ERG28: variants seen among roughly 807,000 people sequenced by gnomAD.
ERG28 encodes ergosterol biosynthetic protein 28 homolog.
A neutral mutation model predicts 15.7 loss-of-function variants in ERG28; 9 were observed. That is an observed-to-expected ratio of 0.57 (90% CI 0.35 to 1.00). ERG28 has a LOEUF of 1.00. Ranked by LOEUF, ERG28 falls within the 50% of genes least tolerant of loss-of-function variation. The probability of loss-of-function intolerance (pLI) is 0.02; values close to 1 mark genes in which losing one functional copy is unlikely to be tolerated. For missense variants in ERG28, 117 were observed against 173.3 expected (o/e 0.68, Z 1.82); for synonymous variants, 61 against 68.4 (o/e 0.89, Z 0.53).
At chr14:75,655,609 A>G (rs1431057073) in intron 2 of ERG28, among the ~76,000 whole-genome samples, 1 of 152,226 alleles carries the variant, frequency 6.6e-6, no homozygotes, top group East Asian at 1.9e-4. Flanking sequence ...GCTGTATTAA[A>G]TATCTTGTCC....
intron 1 of ERG28, among the ~76,000 whole-genome samples, chr14:75,659,036 C>T (rs1452390423): frequency 6.6e-6 from 1 of 152,120 alleles, no homozygotes; most frequent in Non-Finnish European, 1.5e-5. Context: ...GCACTTACAC[C>T]GTGAACTGTG....
At chr14:75,654,284 T>G (rs1223137320) in intron 3 of ERG28, among the ~76,000 whole-genome samples, 1 of 152,158 alleles carries the variant, frequency 6.6e-6, no homozygotes, top group South Asian at 2.1e-4. Context: ...ACCTAGAGTG[T>G]GATGATGACT....
Position 75,657,552 on chromosome 14 carries a change from G to A in ERG28, c.-31-19C>T. On this transcript the variant is annotated intron_variant, in intron 1 of 4. Transcript: ENST00000256319. ...TTTTTGCCTTGGAAACAAAGGCAGA[G>A]GACATGAGACAATGAGGGCCAGTCT... The A allele has an allele frequency of 6.2e-7, 1 of 1,607,940 alleles. No individual in the cohort carries two copies. The highest frequency in any genetic ancestry group is 8.5e-7 in the Non-Finnish European group (1 of 1,175,888).
At chr14:75,660,084 C>T (rs145110696) in intron 1 of ERG28, among the ~76,000 whole-genome samples, 1,981 of 152,304 alleles carry the variant, frequency 0.013, 17 homozygotes, top group South Asian at 0.035. Context: ...GAGGAGACTC[C>T]TCCGGGGTTT....
chr14:75,651,140 G>T lies in ERG28; in HGVS notation c.*415C>A, dbSNP rs1316361007. 1 of 164,122 alleles carries T rather than the reference G, an allele frequency of 6.1e-6. No homozygotes were observed. Among genetic ancestry groups the T allele is most frequent in the Non-Finnish European group, 1.3e-5 (1 of 74,102 alleles). 10.2% of individuals were successfully genotyped at this position (164,122 alleles called of 1,614,324 possible). A position where few individuals can be genotyped will look rare whatever the true frequency, so the allele number is the denominator to read the frequency against. On this transcript the variant is annotated 3_prime_UTR_variant, in exon 5 of 5. Coordinates refer to ENST00000256319, the MANE Select transcript of ERG28 (RefSeq NM_007176.4). ...TGGACAACCCCTTGAGGCAGCCCTTGGTCACAGCTGCTCTGGGTGGGCAGC... is the reference window on the plus strand; with the variant it reads ...TGGACAACCCCTTGAGGCAGCCCTTTGTCACAGCTGCTCTGGGTGGGCAGC...
chr14:75,657,263 G>T (rs921079427), intron 2 of ERG28, 107 bp downstream of exon 2: 4 of 1,368,902 alleles, frequency 2.9e-6, no homozygotes, highest in South Asian at 2.9e-5. Context: ...ACCTGTGTTT[G>T]TTGACGTTTC....
At chr14:75,652,194 G>T (rs994665291) in intron 3 of ERG28, among the ~76,000 whole-genome samples, 2 of 152,194 alleles carry the variant, frequency 1.3e-5, no homozygotes, top group Non-Finnish European at 2.9e-5. Context: ...GACAATCGCA[G>T]GCAGTGTAGA....
In ERG28 at chr14:75,657,284, C is replaced by A. The variant is rs573702918; in HGVS notation, c.133+86G>T. ...GTTTGTTGACGTTTCCTAGGTTACT[C>A]TGATGTACAGCCTGGTTTGGGAACC... On this transcript the variant is annotated intron_variant, in intron 2 of 4. Coordinates refer to ENST00000256319, the MANE Select transcript of ERG28 (RefSeq NM_007176.4). 1.7e-5 allele frequency: 26 copies of A among 1,490,006 alleles called. No homozygotes were observed. The African/African-American group carries it at 3.6e-4, about 21-fold the overall frequency. The allele number at this position is 1,490,006 out of a possible 1,614,324, so 92.3% of individuals were successfully genotyped here.
chr14:75,656,337 C>T (rs1241202116), intron 2 of ERG28, among the ~76,000 whole-genome samples: 4 of 149,516 alleles, frequency 2.7e-5, no homozygotes, highest in Non-Finnish European at 5.9e-5. Flanking sequence ...AAGTTCTGCT[C>T]AGCTATATGC....
Position 75,651,485 on chromosome 14 carries a change from G to T in ERG28, c.*70C>A, listed in dbSNP as rs1566801558. On this transcript the variant is annotated 3_prime_UTR_variant, in exon 5 of 5. Transcript: ENST00000256319. ...GATGGAATAGAAAAGAAATTAAAGA[G>T]GAGAGACGACGAAGGAAGAAGATGG... 4.2e-6 allele frequency: 6 copies of T among 1,416,910 alleles called. No homozygotes were observed. In the East Asian group the frequency reaches 1.4e-4, roughly 33 times the overall value. 87.8% of individuals were successfully genotyped at this position (1,416,910 alleles called of 1,614,324 possible).
In ERG28 at chr14:75,651,888, G is replaced by A; in HGVS notation, c.226C>T (p.Leu76Phe). ...AAGGTCCAGAGTGTGATGTGATAGA[G>A]CCTATAAGGAAGCAGACAGAAATGG... ...LCAIDIHNKT[L>F]YHITLWTFLL... Residue 76 changes from leucine (L) to phenylalanine (F), a missense_variant and splice_region_variant, in exon 4 of 5, where the codon CTC (leucine) becomes TTC (phenylalanine). Leu to Phe is a conservative substitution (Grantham distance 22). Coordinates refer to ENST00000256319, the MANE Select transcript of ERG28 (RefSeq NM_007176.4). 6.2e-7 allele frequency: 1 copy of A among 1,602,192 alleles called. No homozygotes were observed. The highest frequency in any genetic ancestry group is 8.6e-7 in the Non-Finnish European group (1 of 1,169,102).
chr14:75,652,494 G>A (rs569482269), intron 3 of ERG28, among the ~76,000 whole-genome samples: 4 of 152,312 alleles, frequency 2.6e-5, no homozygotes, highest in Non-Finnish European at 4.4e-5. Flanking sequence ...TGACTATAAG[G>A]TAGAGAAGAG....
rs946440030 is a variant in ERG28 at position 75,651,549 on chromosome 14, C to T, written c.*6G>A. Reference sequence around the variant, plus strand: ...CGAGAAAGTCCTGGAGGTGATAATGCTGGCCTCAGTTTCTCTTCTTCTGTC... The same window carrying T: ...CGAGAAAGTCCTGGAGGTGATAATGTTGGCCTCAGTTTCTCTTCTTCTGTC... On this transcript the variant is annotated 3_prime_UTR_variant, in exon 5 of 5. Transcript: ENST00000256319. 9 of 1,605,578 alleles carry T rather than the reference C, an allele frequency of 5.6e-6. No homozygotes were observed. The highest frequency in any genetic ancestry group is 7.7e-6 in the Non-Finnish European group (9 of 1,172,850).
At chr14:75,653,326 C>T (rs1360337543) in intron 3 of ERG28, among the ~76,000 whole-genome samples, 2 of 151,460 alleles carry the variant, frequency 1.3e-5, no homozygotes, top group East Asian at 2.0e-4. Flanking sequence ...TGGGTCAGGC[C>T]GGGCACAGTG....
rs2095082109 is a variant in ERG28, at chr14:75,651,886, G to A, written c.228C>T (p.Leu76=). Residue 76 remains leucine (L), a synonymous_variant, in exon 4 of 5, where the codon CTC becomes CTT. Transcript: ENST00000256319. The part of the protein sequence containing the change: ...LCAIDIHNKT[L]YHITLWTFLL... ...GGAAGGTCCAGAGTGTGATGTGATA[G>A]AGCCTATAAGGAAGCAGACAGAAAT... 1 of 1,603,070 alleles carries A rather than the reference G, an allele frequency of 6.2e-7. No homozygotes were observed. The highest frequency in any genetic ancestry group is 8.5e-7 in the Non-Finnish European group (1 of 1,169,884).
intron 1 of ERG28, among the ~76,000 whole-genome samples, chr14:75,657,984 A>G (rs901813420): frequency 3.2e-4 from 49 of 152,214 alleles, no homozygotes; most frequent in Non-Finnish European, 5.3e-4. Flanking sequence ...ACCATGCTCC[A>G]TAAACTAGAA....
chr14:75,650,215 CCACTGCCCA>C lies in ERG28; in HGVS notation c.*1331_*1339del, dbSNP rs1268607436. 6.6e-6 allele frequency: 1 copy of C among 152,194 alleles called. No individual in the cohort carries two copies. The highest frequency in any genetic ancestry group is 1.5e-5 in the Non-Finnish European group (1 of 68,038). The allele number at this position is 152,194 out of a possible 1,614,324, so 9.4% of individuals were successfully genotyped here. A position where few individuals can be genotyped will look rare whatever the true frequency, so the allele number is the denominator to read the frequency against. ...GATGATCTAATTTAAGTTACGTTCC[CCACTGCCCA>C]CCCCACATTCCTTCTTGACCAAAAT... On this transcript the variant is annotated 3_prime_UTR_variant, in exon 5 of 5. Transcript: ENST00000256319.
At chr14:75,656,279 AACACACACACACACACACACAC>A (rs34053718) in intron 2 of ERG28, among the ~76,000 whole-genome samples, 15 of 135,892 alleles carry the variant, frequency 1.1e-4, no homozygotes, top group Admixed American at 1.5e-4. Context: ...GTGCTGGCTG[AACACACACACACACACACACAC>A]ACACACACAC....
chr14:75,651,439 A>G lies in ERG28; in HGVS notation c.*116T>C. 2.0e-6 allele frequency: 2 copies of G among 1,023,094 alleles called. No homozygotes were observed. The highest frequency in any genetic ancestry group is 2.9e-6 in the Non-Finnish European group (2 of 687,184). The allele number at this position is 1,023,094 out of a possible 1,614,324, so 63.4% of individuals were successfully genotyped here. A position where few individuals can be genotyped will look rare whatever the true frequency, so the allele number is the denominator to read the frequency against. On this transcript the variant is annotated 3_prime_UTR_variant, in exon 5 of 5. Coordinates refer to ENST00000256319, the MANE Select transcript of ERG28 (RefSeq NM_007176.4). ...TTTTAAAAATTAAAAAAAGAGGCTAAAAGTGAATAAAAGGGCAGATGATGG... is the reference window on the plus strand; with the variant it reads ...TTTTAAAAATTAAAAAAAGAGGCTAGAAGTGAATAAAAGGGCAGATGATGG...
Sources: gnomAD v4.1 joint callset for allele counts (sites outside exome capture counted in the v4.1 genomes callset) on GRCh38, gnomAD v4.1.1 for gene constraint, MANE v1.5 for transcripts, NCBI Gene and HGNC (gene_info 2026-07-23, HGNC 2026-07-21) for gene names.